NDST3: variants seen among roughly 807,000 people sequenced by gnomAD.
NDST3 encodes the protein N-deacetylase and N-sulfotransferase 3, also known as bifunctional heparan sulfate N-deacetylase/N-sulfotransferase 3.
In NDST3, 58 loss-of-function variants were observed where a neutral mutation model predicts 96.1. The observed-to-expected ratio is 0.60, with a 90% confidence interval of 0.49 to 0.75. The LOEUF (loss-of-function observed/expected upper bound fraction) is 0.75, where lower values mean the gene tolerates loss of function less well. NDST3 is among the 30% of genes least tolerant of loss of function. The pLI is 0.00. For missense variants in NDST3, 788 were observed against 1,034.2 expected (o/e 0.76, Z 3.27); for synonymous variants, 333 against 359.7 (o/e 0.93, Z 0.84).
At chr4:118,221,877 T>C (rs891799842) in intron 6 of NDST3, among the ~76,000 whole-genome samples, 5 of 151,958 alleles carry the variant, frequency 3.3e-5, no homozygotes, top group African/African-American at 4.8e-5. Flanking sequence ...TTACTCATAG[T>C]GTGTTTATAG....
At chr4:118,255,476 C>T (rs1398198964) in intron 13 of NDST3, 117 bp from the exon 14 acceptor site, 1 of 1,075,652 alleles carries the variant, frequency 9.3e-7, no homozygotes. Flanking sequence ...AGTCCATATG[C>T]TTAATACAAA....
intron 5 of NDST3, among the ~76,000 whole-genome samples, chr4:118,139,437 C>T (rs949653749): frequency 5.3e-5 from 8 of 152,192 alleles, no homozygotes; most frequent in Non-Finnish European, 1.2e-4. Context: ...CTATATTTGG[C>T]TTGTGGGCTC....
rs1338068298 is a variant in NDST3 at position 118,066,319 on chromosome 4, A to G, written c.981+11428A>G. On this transcript the variant is annotated intron_variant, in intron 2 of 13. Transcript: ENST00000296499. ...ATATATTATGTATTATATATATTATATATATTATGTATTATATATATTATA... is the reference window on the plus strand; with the variant it reads ...ATATATTATGTATTATATATATTATGTATATTATGTATTATATATATTATA... 4.5e-3 allele frequency among the ~76,000 whole-genome samples: 24 copies of G among 5,332 alleles called. 9 individuals are homozygous for G. Among genetic ancestry groups the G allele is most frequent in the Non-Finnish European group, 6.2e-3 (6 of 968 alleles). The allele number at this position is 5,332 out of a possible 152,430, so 3.5% of individuals were successfully genotyped here.
chr4:118,109,975 T>A (rs1230514201), intron 3 of NDST3, among the ~76,000 whole-genome samples: 1 of 152,178 alleles, frequency 6.6e-6, no homozygotes, highest in Non-Finnish European at 1.5e-5. Context: ...AGTGCTTTGT[T>A]AAACACTTTT....
At chr4:118,213,793 T>G (rs1738999865) in intron 6 of NDST3, among the ~76,000 whole-genome samples, 1 of 150,774 alleles carries the variant, frequency 6.6e-6, no homozygotes. Flanking sequence ...TTCAGAATTT[T>G]TTTCTTTTTT....
At chr4:118,241,294 C>T (rs1740990809) in intron 11 of NDST3, among the ~76,000 whole-genome samples, 2 of 151,126 alleles carry the variant, frequency 1.3e-5, no homozygotes, top group South Asian at 4.2e-4. Context: ...CCTTTAGCCA[C>T]ATTTTAAGTG....
At chr4:118,081,873 C>A (rs972145640) in intron 2 of NDST3, among the ~76,000 whole-genome samples, 4 of 152,146 alleles carry the variant, frequency 2.6e-5, no homozygotes, top group Non-Finnish European at 5.9e-5. Context: ...AGATATGGAA[C>A]AATTTCCTGC....
intron 2 of NDST3, among the ~76,000 whole-genome samples, chr4:118,056,322 A>C (rs1224348273): frequency 6.6e-6 from 1 of 151,958 alleles, no homozygotes; most frequent in South Asian, 2.1e-4. Context: ...TATACAAAAT[A>C]CAAAATGCCA....
Position 118,172,204 on chromosome 4 carries a change from C to A in NDST3, c.1539+28520C>A, listed in dbSNP as rs190998333. ...AGGCATTCATTTGGTGTAAATAGGA[C>A]AAACACCAGGGAGGCTTGGCCAGGT... is the stretch of plus-strand genomic sequence containing the variant. On this transcript the variant is annotated intron_variant, in intron 6 of 13. Coordinates refer to ENST00000296499, the MANE Select transcript of NDST3 (RefSeq NM_004784.3). Among the ~76,000 whole-genome samples the A allele has an allele frequency of 4.7e-4, 71 of 152,284 alleles. 3 individuals carry two copies. In the East Asian group the frequency reaches 6.7e-3, roughly 14 times the overall value.
intron 6 of NDST3, among the ~76,000 whole-genome samples, chr4:118,165,995 C>T (rs1468275057): frequency 6.6e-6 from 1 of 150,960 alleles, no homozygotes; most frequent in Non-Finnish European, 1.5e-5. Flanking sequence ...AATTCTACCT[C>T]AGGGAAACTC....
chr4:118,054,239 T>C lies in NDST3; in HGVS notation c.329T>C (p.Ile110Thr), dbSNP rs1736613053. 1.2e-6 allele frequency: 2 copies of C among 1,612,536 alleles called. No homozygotes were observed. The highest frequency in any genetic ancestry group is 2.2e-5 in the South Asian group (2 of 91,028). ...AGTAGATTCCAGTATCACATTGAAA[T>C]TGCCCCTGGAAAGGGAGATCTCCCA... ...ESSRFQYHIE[I>T]APGKGDLPVL... The change falls in exon 2 of 14, where the codon ATT (isoleucine) becomes ACT (threonine). Residue 110 changes from isoleucine to threonine, a missense_variant. By Grantham distance (89) the Ile-to-Thr change is moderately conservative. Around this residue, in one of 3 missense-constraint regions of NDST3, gnomAD observed 234 missense variants for 256.9 expected, o/e 0.91. Coordinates refer to ENST00000296499, the MANE Select transcript of NDST3 (RefSeq NM_004784.3).
intron 6 of NDST3, among the ~76,000 whole-genome samples, chr4:118,202,134 C>T (rs1578807671): frequency 1.3e-5 from 2 of 152,152 alleles, no homozygotes; most frequent in East Asian, 3.9e-4. Flanking sequence ...TATTCTCTTC[C>T]ATTTGTCTTT....
chr4:118,114,142 G>A (rs1249667006), intron 3 of NDST3, among the ~76,000 whole-genome samples: 1 of 151,966 alleles, frequency 6.6e-6, no homozygotes, highest in Non-Finnish European at 1.5e-5. Context: ...TGAGAGAAAG[G>A]ACAAGCATAT....
At chr4:118,247,939 T>C (rs1021166343) in intron 12 of NDST3, among the ~76,000 whole-genome samples, 8 of 152,208 alleles carry the variant, frequency 5.3e-5, no homozygotes, top group Non-Finnish European at 7.3e-5. Flanking sequence ...TATTCACCCA[T>C]AGAAATGGTT....
intron 1 of NDST3, among the ~76,000 whole-genome samples, chr4:118,040,554 C>T (rs1056262531): frequency 6.6e-6 from 1 of 152,060 alleles, no homozygotes; most frequent in Non-Finnish European, 1.5e-5. Context: ...CTTTATGAAC[C>T]CTTAGTGTAC....
At chr4:118,033,524 C>A (rs1723987758), upstream of NDST3, 1 of 151,902 alleles carries the variant, frequency 6.6e-6, no homozygotes, top group African/African-American at 2.4e-5. Flanking sequence ...ATGGAGGCGG[C>A]TCCCGTCCTC....
At chr4:118,193,709 T>C (rs1737470859) in intron 6 of NDST3, 1 of 1,288,892 alleles carries the variant, frequency 7.8e-7, no homozygotes, top group Non-Finnish European at 1.1e-6. Flanking sequence ...CTCTCCCCAA[T>C]GGAAGAGGCC....
chr4:118,254,674 AT>A (rs1256343403), intron 13 of NDST3, among the ~76,000 whole-genome samples: 1 of 152,124 alleles, frequency 6.6e-6, no homozygotes, highest in Non-Finnish European at 1.5e-5. Flanking sequence ...TTTTTTTTAG[AT>A]CTCAGAAATT....
At chr4:118,102,918 A>G (rs1729882583) in intron 2 of NDST3, among the ~76,000 whole-genome samples, 1 of 152,098 alleles carries the variant, frequency 6.6e-6, no homozygotes. Context: ...TTTAGTGTTT[A>G]TTTCTAGAAT....
Sources: allele counts gnomAD v4.1 joint callset (sites outside exome capture counted in the v4.1 genomes callset), GRCh38; gene constraint gnomAD v4.1.1; regional missense constraint gnomAD v4.1.1; transcripts MANE v1.5; gene names NCBI Gene and HGNC (gene_info 2026-07-23, HGNC 2026-07-21).